KIRREL1: variants seen among roughly 807,000 people sequenced by gnomAD.
The protein encoded by KIRREL1 is kirre like nephrin family adhesion molecule 1.
In KIRREL1, 25 loss-of-function variants were observed where a neutral mutation model predicts 83.3. The ratio of observed to expected loss-of-function variants is 0.30; its 90% CI spans 0.22 to 0.42. The LOEUF (loss-of-function observed/expected upper bound fraction) is 0.42. Ranked by LOEUF, KIRREL1 falls within the 10% of genes least tolerant of loss-of-function variation. KIRREL1 has a pLI of 1.00. For missense variants in KIRREL1, 812 were observed against 1,032.3 expected (o/e 0.79, Z 2.92); for synonymous variants, 388 against 410.4 (o/e 0.95, Z 0.66).
intron 1 of KIRREL1, among the ~76,000 whole-genome samples, chr1:158,055,521 C>T (rs1355849473): frequency 4.6e-5 from 7 of 152,178 alleles, no homozygotes; most frequent in South Asian, 2.1e-4. Context: ...GCAAGAGTGG[C>T]GGCCCCACTT....
intron 4 of KIRREL1, among the ~76,000 whole-genome samples, chr1:158,086,117 G>T (rs1053808918): frequency 2.0e-5 from 3 of 152,182 alleles, no homozygotes; most frequent in Non-Finnish European, 2.9e-5. Context: ...TCCATCAGTT[G>T]TAACAGACTT....
intron 5 of KIRREL1, 126 bp from the exon 6 acceptor site, chr1:158,087,629 G>GTT: frequency 1.5e-6 from 1 of 650,296 alleles, no homozygotes; most frequent in South Asian, 2.1e-5. Context: ...AACTGGAGCC[G>GTT]ATACACTGCA....
intron 10 of KIRREL1, among the ~76,000 whole-genome samples, chr1:158,090,968 A>G (rs1243915155): frequency 6.6e-6 from 1 of 152,198 alleles, no homozygotes; most frequent in Non-Finnish European, 1.5e-5. Flanking sequence ...TTTTTCTACA[A>G]CATCTGGGAG....
chr1:158,027,704 G>A (rs1660210530), intron 1 of KIRREL1, among the ~76,000 whole-genome samples: 1 of 152,244 alleles, frequency 6.6e-6, no homozygotes, highest in Admixed American at 6.5e-5. Context: ...TCTCAGAAAT[G>A]AGGATAATAC....
intron 1 of KIRREL1, among the ~76,000 whole-genome samples, chr1:158,010,358 CA>C (rs36169021): frequency 0.33 from 45,912 of 137,826 alleles, 9,052 homozygotes; most frequent in Non-Finnish European, 0.45. Context: ...CACACACACA[CA>C]CACCCCACAC....
intron 1 of KIRREL1, among the ~76,000 whole-genome samples, chr1:158,030,141 T>C (rs1003267464): frequency 6.6e-6 from 1 of 152,174 alleles, no homozygotes; most frequent in South Asian, 2.1e-4. Flanking sequence ...ATGAAAGTGG[T>C]GGGACTAGAA....
intron 1 of KIRREL1, among the ~76,000 whole-genome samples, chr1:158,075,147 GC>G (rs1321534302): frequency 6.6e-6 from 1 of 152,238 alleles, no homozygotes; most frequent in Non-Finnish European, 1.5e-5. Flanking sequence ...CACCACTGGG[GC>G]CGACCAGTGC....
At position 158,088,170 on chromosome 1, in the gene KIRREL1, G is replaced by C; in HGVS notation, c.916+16G>C. On this transcript the variant is annotated intron_variant, in intron 7 of 14. Coordinates refer to ENST00000359209, the MANE Select transcript of KIRREL1 (RefSeq NM_018240.7). ...AATGTCCACTGTGAGTAGCTGGGAG[G>C]GCAGGGACGGGGACAGAGAGCAGGG... 2 of 1,614,176 alleles carry C rather than the reference G, an allele frequency of 1.2e-6. No homozygotes were observed. The highest frequency in any genetic ancestry group is 1.3e-5 in the African/African-American group (1 of 75,044).
chr1:158,082,552 C>G (rs1316512084), intron 3 of KIRREL1, among the ~76,000 whole-genome samples: 5 of 152,194 alleles, frequency 3.3e-5, no homozygotes, highest in Non-Finnish European at 2.9e-5. Flanking sequence ...GCCCTGTCCA[C>G]CACTGGGCAC....
At chr1:158,081,854 G>A (rs967533893) in intron 3 of KIRREL1, among the ~76,000 whole-genome samples, 1 of 152,178 alleles carries the variant, frequency 6.6e-6, no homozygotes, top group Non-Finnish European at 1.5e-5. Flanking sequence ...CATTCCCAGG[G>A]TAGAGGAAGC....
At chr1:158,086,821 T>C in intron 5 of KIRREL1, 75 bp downstream of exon 5, 1 of 1,367,632 alleles carries the variant, frequency 7.3e-7, no homozygotes, top group Non-Finnish European at 1.0e-6. Flanking sequence ...CACTCTTAGT[T>C]TGAGAAACAC....
intron 1 of KIRREL1, among the ~76,000 whole-genome samples, chr1:158,002,769 ACAGATGTGAGG>A (rs1322940563): frequency 6.6e-6 from 1 of 152,120 alleles, no homozygotes; most frequent in African/African-American, 2.4e-5. Flanking sequence ...GGAGGGGGCC[ACAGATGTGAGG>A]CTCAGGGGCT....
chr1:158,062,704 C>T lies in KIRREL1; in HGVS notation c.53-13409C>T, dbSNP rs548838244. 1.8e-3 allele frequency among the ~76,000 whole-genome samples: 271 copies of T among 152,354 alleles called. 1 individual carries two copies. The highest frequency in any genetic ancestry group is 3.1e-3 in the Non-Finnish European group (213 of 68,038). ...ATGCAAACAAGGACACATGTGTCCC[C>T]CCTTGCACGCAGATACAAAACACAC... On this transcript the variant is annotated intron_variant, in intron 1 of 14. Coordinates refer to ENST00000359209, the MANE Select transcript of KIRREL1 (RefSeq NM_018240.7).
chr1:158,088,228 T>C, intron 7 of KIRREL1, 74 bp downstream of exon 7: 1 of 1,607,112 alleles, frequency 6.2e-7, no homozygotes, highest in Non-Finnish European at 8.5e-7. Context: ...AGTCGGGGAC[T>C]GCTCCATGAA....
At chr1:157,998,440 T>C (rs1056839622) in intron 1 of KIRREL1, among the ~76,000 whole-genome samples, 1 of 152,268 alleles carries the variant, frequency 6.6e-6, no homozygotes, top group African/African-American at 2.4e-5. Flanking sequence ...ATTGTTTTTC[T>C]TTGATGATAT....
intron 1 of KIRREL1, among the ~76,000 whole-genome samples, chr1:158,004,670 A>G (rs940154987): frequency 1.3e-5 from 2 of 152,166 alleles, no homozygotes; most frequent in Non-Finnish European, 2.9e-5. Flanking sequence ...TCAGCCAGGC[A>G]TGGTGGCTCA....
intron 1 of KIRREL1, among the ~76,000 whole-genome samples, chr1:158,074,617 G>A (rs982435960): frequency 1.3e-5 from 2 of 152,194 alleles, no homozygotes; most frequent in African/African-American, 4.8e-5. Flanking sequence ...CAGCAGGGCC[G>A]AGTGACGCGA....
At chr1:158,088,258 G>A (rs1392008469) in intron 7 of KIRREL1, 69 bp from the exon 8 acceptor site, 14 of 1,601,970 alleles carry the variant, frequency 8.7e-6, no homozygotes, top group Non-Finnish European at 9.4e-6. Context: ...AGCAGGGCAG[G>A]AGGAAGATTG....
chr1:157,994,242 A>G (rs1043246644), intron 1 of KIRREL1, among the ~76,000 whole-genome samples: 2 of 152,048 alleles, frequency 1.3e-5, no homozygotes, highest in Non-Finnish European at 2.9e-5. Context: ...AGTCTGAATC[A>G]CGGCTCCAGC....
Sources: allele counts gnomAD v4.1 joint callset (sites outside exome capture counted in the v4.1 genomes callset), GRCh38; gene constraint gnomAD v4.1.1; transcripts MANE v1.5; gene names NCBI Gene and HGNC (gene_info 2026-07-23, HGNC 2026-07-21).